Variants in GFM2 observed in about 807,000 individuals in gnomAD.
The protein encoded by GFM2 is GTP dependent ribosome recycling factor mitochondrial 2, also known as ribosome-releasing factor 2, mitochondrial.
A neutral mutation model predicts 95.4 loss-of-function variants in GFM2; 72 were observed. That is an observed-to-expected ratio of 0.76 (90% confidence interval 0.62 to 0.92). GFM2 has a LOEUF of 0.92. Ranked by LOEUF, GFM2 falls within the 40% of genes least tolerant of loss-of-function variation. The pLI, the probability that GFM2 is intolerant of heterozygous loss-of-function variation, is 0.00. For missense variants in GFM2, 825 were observed against 924.1 expected (o/e 0.89, Z 1.39); for synonymous variants, 276 against 317.5 (o/e 0.87, Z 1.39).
chr5:74,755,830 T>G (rs926012659), intron 5 of GFM2, among the ~76,000 whole-genome samples: 6 of 151,948 alleles, frequency 3.9e-5, no homozygotes, highest in Non-Finnish European at 7.4e-5. Context: ...ATTCTACAGA[T>G]AGAGGGAATC....
rs1356760758 is a variant in GFM2, at chr5:74,736,902, C to G, written c.1404G>C (p.Lys468Asn). The change falls in exon 15 of 21, where the codon AAG becomes AAC. Residue 468 changes from lysine (K) to asparagine (N), a missense_variant. By Grantham distance (94) the Lys-to-Asn change is moderately conservative (BLOSUM62 0). Transcript: ENST00000296805. The part of the protein sequence containing the change: ...ARRAEREGEK[K>N]HRQNNEAERL... ...TCTCTGCTTCATTGTTTTGTCTGTGCTTCTTTTCTCCCTCCCGTTCGGCTC... is the reference window on the plus strand; with the variant it reads ...TCTCTGCTTCATTGTTTTGTCTGTGGTTCTTTTCTCCCTCCCGTTCGGCTC... 3 of 1,613,778 alleles carry G rather than the reference C, an allele frequency of 1.9e-6. No homozygotes were observed. The East Asian group carries it at 6.7e-5, about 36-fold the overall frequency.
chr5:74,763,764 T>C lies in GFM2; in HGVS notation c.-22A>G. The stretch of plus-strand genomic sequence containing the variant: ...ACATCTTGATCCTCCAAACTGTTAC[T>C]GTCTGAAAAAATAAATATACAAAAT... On this transcript the variant is annotated splice_region_variant and 5_prime_UTR_variant, in exon 2 of 21. Coordinates refer to ENST00000296805, the MANE Select transcript of GFM2 (RefSeq NM_032380.5). 3.1e-6 allele frequency: 5 copies of C among 1,595,516 alleles called. No individual in the cohort carries two copies. Among genetic ancestry groups the C allele is most frequent in the Non-Finnish European group, 4.3e-6 (5 of 1,164,870 alleles).
Position 74,721,780 on chromosome 5 carries a change from A to AACCCTAATCAAAAT in GFM2, c.2212-11_2214dup (p.Tyr739IlefsTer13), listed in dbSNP as rs756966393. On this transcript the variant is annotated frameshift_variant, in exon 21 of 21. Coordinates refer to ENST00000296805, the MANE Select transcript of GFM2 (RefSeq NM_032380.5). LOFTEE classifies it high-confidence loss of function. ...GTTAGCGTTCGAAGCACAGTTGAAT[A>AACCCTAATCAAAAT]ACCCTAATCAAAATAATTTAAGTCA... The AACCCTAATCAAAAT allele has an allele frequency of 6.2e-7, 1 of 1,601,986 alleles. No individual in the cohort carries two copies. Among genetic ancestry groups the AACCCTAATCAAAAT allele is most frequent in the East Asian group, 2.2e-5 (1 of 44,802 alleles).
rs1743099716 is a variant in GFM2, at chr5:74,741,448, T to G, written c.930+81A>C. On this transcript the variant is annotated intron_variant, in intron 11 of 20. Transcript: ENST00000296805. ...TAATATGCAAAGTTTAAAAAAAAAA[T>G]GCACACACATCAAAGGCAGAGAAAT... 2 of 669,620 alleles carry G rather than the reference T, an allele frequency of 3.0e-6. 1 individual carries two copies. The highest frequency in any genetic ancestry group is 5.7e-5 in the East Asian group (2 of 35,374). The allele number at this position is 669,620 out of a possible 1,614,324, so 41.5% of individuals were successfully genotyped here.
In GFM2 at chr5:74,747,361, A is replaced by G. The variant is rs535067069; in HGVS notation, c.608+331T>C. ...CTTTAGCGATGATGGGAAGCGCCAT[A>G]CCTTCAGCAATATAGGGACTATACC... On this transcript the variant is annotated intron_variant, in intron 8 of 20. Coordinates refer to ENST00000296805, the MANE Select transcript of GFM2 (RefSeq NM_032380.5). Among the ~76,000 whole-genome samples, 14 of 152,294 alleles carry G rather than the reference A, an allele frequency of 9.2e-5. No homozygotes were observed. In the East Asian group the frequency reaches 1.9e-3, roughly 21 times the overall value.
At chr5:74,729,053 T>C (rs1479781417) in intron 17 of GFM2, among the ~76,000 whole-genome samples, 1 of 152,088 alleles carries the variant, frequency 6.6e-6, no homozygotes, top group East Asian at 1.9e-4. Flanking sequence ...GACCTGGCCA[T>C]GTGTGGCATC....
intron 9 of GFM2, 21 bp from the exon 10 acceptor site, chr5:74,745,878 A>G: frequency 5.7e-6 from 9 of 1,580,876 alleles, no homozygotes; most frequent in Non-Finnish European, 7.8e-6. Flanking sequence ...GAGTGAGATT[A>G]ACATTATTAC....
In GFM2 at chr5:74,745,748, G is replaced by A; in HGVS notation, c.779C>T (p.Pro260Leu). The change falls in exon 10 of 21, where the codon CCC becomes CTC. Residue 260 changes from proline to leucine, a missense_variant. Pro to Leu is a moderately conservative substitution (Grantham distance 98, BLOSUM62 -3). Coordinates refer to ENST00000296805, the MANE Select transcript of GFM2 (RefSeq NM_032380.5). ...TTCAGGATCATTCATTTCCAAGAGG[G>A]GCTTTCTCTCAAAGTCTTTTCCATC... Reference protein sequence around the residue: ...SNDGKDFERKPLLEMNDPELL... With the variant: ...SNDGKDFERKLLLEMNDPELL... 1 of 1,613,786 alleles carries A rather than the reference G, an allele frequency of 6.2e-7. No individual in the cohort carries two copies. Among genetic ancestry groups the A allele is most frequent in the South Asian group, 1.1e-5 (1 of 91,046 alleles).
chr5:74,748,919 A>T (rs1192406250), intron 7 of GFM2, among the ~76,000 whole-genome samples: 6 of 137,194 alleles, frequency 4.4e-5, no homozygotes, highest in African/African-American at 1.8e-4. Flanking sequence ...TAAAAAAATA[A>T]AAAAAAATAA....
At chr5:74,729,808 G>GT (rs1275340864) in intron 17 of GFM2, among the ~76,000 whole-genome samples, 1 of 151,476 alleles carries the variant, frequency 6.6e-6, no homozygotes, top group Non-Finnish European at 1.5e-5. Flanking sequence ...CAGAAAAATT[G>GT]TGAGTTTTTA....
At chr5:74,746,049 C>A in intron 9 of GFM2, 56 bp downstream of exon 9, 3 of 1,283,290 alleles carry the variant, frequency 2.3e-6, no homozygotes, top group South Asian at 2.8e-5. Context: ...TATATATTGT[C>A]ACAAAATAAA....
intron 16 of GFM2, among the ~76,000 whole-genome samples, chr5:74,730,975 G>T (rs936067972): frequency 6.6e-6 from 1 of 151,930 alleles, no homozygotes; most frequent in Admixed American, 6.6e-5. Flanking sequence ...CACCACACCT[G>T]GCTAATTTTG....
rs1742951634 is a variant in GFM2, at chr5:74,738,574, A to G, written c.1148T>C (p.Leu383Pro). 6.2e-7 allele frequency: 1 copy of G among 1,613,788 alleles called. No homozygotes were observed. The highest frequency in any genetic ancestry group is 8.5e-7 in the Non-Finnish European group (1 of 1,179,742). ...KVLHDKQRGP[L>P]VFMRIYSGTI... ...GCCTGAGTAAATGCGCATAAAAACC[A>G]GTGGTCCTCGCTGCTTGTCATGGAG... Residue 383 changes from leucine to proline, a missense_variant, in exon 13 of 21, where the codon CTG becomes CCG. Leu to Pro is a moderately conservative substitution (Grantham distance 98). Coordinates refer to ENST00000296805, the MANE Select transcript of GFM2 (RefSeq NM_032380.5).
At chr5:74,745,940 A>G in intron 9 of GFM2, 83 bp from the exon 10 acceptor site, 4 of 1,261,926 alleles carry the variant, frequency 3.2e-6, no homozygotes, top group Non-Finnish European at 4.5e-6. Flanking sequence ...TAATTGTACC[A>G]TTTTCCCCAA....
chr5:74,756,942 G>A (rs1394706705), intron 5 of GFM2, among the ~76,000 whole-genome samples: 6 of 152,038 alleles, frequency 3.9e-5, no homozygotes, highest in Non-Finnish European at 8.8e-5. Flanking sequence ...GGGAGTGAGG[G>A]ATAAAAGACT....
chr5:74,725,878 A>C, intron 18 of GFM2, 63 bp downstream of exon 18: 1 of 1,494,116 alleles, frequency 6.7e-7, no homozygotes, highest in Non-Finnish European at 9.2e-7. Flanking sequence ...ATAATCTGTA[A>C]TATAAGGAGT....
intron 17 of GFM2, among the ~76,000 whole-genome samples, chr5:74,727,309 C>T (rs1561235890): frequency 1.3e-5 from 2 of 152,170 alleles, no homozygotes; most frequent in Non-Finnish European, 2.9e-5. Context: ...GAAGCAACCA[C>T]TATCATATGT....
Position 74,751,382 on chromosome 5 carries a change from A to G in GFM2, c.416T>C (p.Leu139Pro). ...TCGTACCATACCTGGTGTATCAATT[A>G]GATTGACTCTATAACCTTTCCAATC... ...TFDWKGYRVNLIDTPGHVDFT... is the reference protein window; with the variant it reads ...TFDWKGYRVNPIDTPGHVDFT... The change falls in exon 6 of 21, where the codon CTA (leucine) becomes CCA (proline). Residue 139 changes from leucine to proline, a missense_variant. Transcript: ENST00000296805. 6.2e-7 allele frequency: 1 copy of G among 1,613,026 alleles called. No homozygotes were observed. The highest frequency in any genetic ancestry group is 1.3e-5 in the African/African-American group (1 of 75,010).
At chr5:74,730,033 G>A (rs1312198037) in intron 17 of GFM2, among the ~76,000 whole-genome samples, 1 of 151,996 alleles carries the variant, frequency 6.6e-6, no homozygotes, top group Non-Finnish European at 1.5e-5. Context: ...CACTGAAAAG[G>A]ACACTTGGTT....
Sources: gnomAD v4.1 joint callset for allele counts (sites outside exome capture counted in the v4.1 genomes callset) on GRCh38, gnomAD v4.1.1 for gene constraint, MANE v1.5 for transcripts, NCBI Gene and HGNC (gene_info 2026-07-23, HGNC 2026-07-21) for gene names.